ZNF875: variants seen among roughly 807,000 people sequenced by gnomAD.
ZNF875 encodes the protein zinc finger protein 875.
Under a neutral mutation model 11.2 loss-of-function variants are expected in ZNF875, and 14 were observed. The observed-to-expected ratio is 1.26, with a 90% confidence interval of 0.83 to 1.96. The LOEUF is 1.96. Among genes scored for constraint, ZNF875 ranks in the 30% most tolerant of loss-of-function variants. The pLI is 0.00. For synonymous variants in ZNF875, 301 were observed against 281.1 expected (o/e 1.07, Z -0.71); for missense variants, 752 against 760.4 (o/e 0.99, Z 0.13).
At chr19:37,318,911 A>G (rs1009833503) in intron 1 of ZNF875, among the ~76,000 whole-genome samples, 1 of 152,096 alleles carries the variant, frequency 6.6e-6, no homozygotes, top group African/African-American at 2.4e-5. Flanking sequence ...CCTGGTTTTG[A>G]TATCTTAGTA....
At chr19:37,329,015 A>ATGCT (rs2032969284) in intron 4 of ZNF875, 1 of 152,184 alleles carries the variant, frequency 6.6e-6, no homozygotes, top group Non-Finnish European at 1.5e-5. Context: ...AATACTGAAG[A>ATGCT]AGAAACTCTA....
At chr19:37,352,691 A>G (rs1600152277) in intron 4 of ZNF875, among the ~76,000 whole-genome samples, 2 of 152,046 alleles carry the variant, frequency 1.3e-5, no homozygotes, top group South Asian at 4.1e-4. Flanking sequence ...CCAGTTTGCC[A>G]ATCTCTACGT....
Position 37,363,873 on chromosome 19 carries a change from C to A in ZNF875, c.*98C>A. 1.0e-6 allele frequency: 1 copy of A among 971,446 alleles called. No individual in the cohort carries two copies. The highest frequency in any genetic ancestry group is 1.5e-5 in the South Asian group (1 of 65,058). 60.2% of individuals were successfully genotyped at this position (971,446 alleles called of 1,614,324 possible). A position where few individuals can be genotyped will look rare whatever the true frequency, so the allele number is the denominator to read the frequency against. On this transcript the variant is annotated 3_prime_UTR_variant, in exon 5 of 5. Coordinates refer to ENST00000392153, the MANE Select transcript of ZNF875 (RefSeq NM_001353803.2). ...CACACAGTGCTGTGGCTTTTTCAGC[C>A]ATTGCTAGATACCAAAGTGGAGACA...
intron 4 of ZNF875, among the ~76,000 whole-genome samples, chr19:37,355,907 G>A (rs918338693): frequency 1.3e-5 from 2 of 152,156 alleles, no homozygotes; most frequent in Admixed American, 1.3e-4. Context: ...TACCTGATAG[G>A]TAGTTTTTCA....
At chr19:37,332,392 T>C (rs553061139), upstream of ZNF875, among the ~76,000 whole-genome samples, 8 of 152,262 alleles carry the variant, frequency 5.3e-5, no homozygotes, top group African/African-American at 1.9e-4. Flanking sequence ...AATTTTTGTA[T>C]TTTTAATAGA....
At chr19:37,348,543 G>A (rs934620271) in intron 4 of ZNF875, among the ~76,000 whole-genome samples, 9 of 152,104 alleles carry the variant, frequency 5.9e-5, no homozygotes, top group African/African-American at 2.2e-4. Context: ...ATCATATTAT[G>A]TATGTATTTT....
upstream of ZNF875, among the ~76,000 whole-genome samples, chr19:37,331,981 G>A (rs1362151488): frequency 8.0e-6 from 1 of 125,710 alleles, no homozygotes; most frequent in Non-Finnish European, 1.8e-5. Flanking sequence ...GGGAAAAACC[G>A]CCTTAGGGCT....
upstream of ZNF875, chr19:37,315,122 G>A (rs1382399448): frequency 6.6e-6 from 1 of 152,006 alleles, no homozygotes; most frequent in East Asian, 1.9e-4. Flanking sequence ...TTATTTAAAT[G>A]GAATTACACA....
upstream of ZNF875, among the ~76,000 whole-genome samples, chr19:37,332,372 A>T (rs1568573681): frequency 6.6e-6 from 1 of 152,094 alleles, no homozygotes; most frequent in Non-Finnish European, 1.5e-5. Flanking sequence ...CCACCCCTAC[A>T]CGCCCAGCTA....
chr19:37,322,320 G>A (rs1219594999), intron 2 of ZNF875: 1 of 152,030 alleles, frequency 6.6e-6, no homozygotes, highest in African/African-American at 2.4e-5. Context: ...ATTTTCTTTG[G>A]ATATTCTCAT....
chr19:37,341,753 G>C (rs2035769641), intron 2 of ZNF875, among the ~76,000 whole-genome samples: 1 of 152,152 alleles, frequency 6.6e-6, no homozygotes, highest in Non-Finnish European at 1.5e-5. Flanking sequence ...TATCTTATGT[G>C]TAACAGTCTG....
chr19:37,333,433 C>A (rs913826577), upstream of ZNF875, among the ~76,000 whole-genome samples: 5 of 152,198 alleles, frequency 3.3e-5, no homozygotes, highest in Non-Finnish European at 7.3e-5. Context: ...GATCCTCCTT[C>A]CTAAACACCC....
At chr19:37,314,951 G>A (rs2030121703), upstream of ZNF875, 1 of 152,064 alleles carries the variant, frequency 6.6e-6, no homozygotes, top group South Asian at 2.1e-4. Context: ...ACGGTTTTCA[G>A]TATATTTGCA....
At chr19:37,350,799 CTTT>C (rs61142979) in intron 4 of ZNF875, among the ~76,000 whole-genome samples, 2 of 91,264 alleles carry the variant, frequency 2.2e-5, no homozygotes, top group African/African-American at 4.4e-5. Context: ...ATTCTTTTTG[CTTT>C]TTTTTTTTTT....
At chr19:37,338,400 G>A (rs913637706) in intron 2 of ZNF875, among the ~76,000 whole-genome samples, 2 of 152,202 alleles carry the variant, frequency 1.3e-5, no homozygotes, top group African/African-American at 4.8e-5. Flanking sequence ...TGGGATTACA[G>A]GTGTGAGCCA....
chr19:37,343,575 T>A (rs983931128), intron 2 of ZNF875, among the ~76,000 whole-genome samples: 1 of 152,128 alleles, frequency 6.6e-6, no homozygotes, highest in Non-Finnish European at 1.5e-5. Context: ...GATGCTTCAA[T>A]TCCTGGTTCT....
intron 4 of ZNF875, among the ~76,000 whole-genome samples, chr19:37,351,652 T>C (rs541219048): frequency 6.6e-6 from 1 of 152,322 alleles, no homozygotes; most frequent in South Asian, 2.1e-4. Flanking sequence ...TATTTTCTAA[T>C]TTTCTTATTT....
At chr19:37,325,534 T>C (rs2032278471) in intron 4 of ZNF875, among the ~76,000 whole-genome samples, 1 of 151,486 alleles carries the variant, frequency 6.6e-6, no homozygotes, top group African/African-American at 2.4e-5. Flanking sequence ...ATAAAAATTA[T>C]TAATGAAATC....
intron 4 of ZNF875, among the ~76,000 whole-genome samples, chr19:37,350,706 A>G (rs948816764): frequency 1.3e-4 from 20 of 151,810 alleles, no homozygotes; most frequent in Admixed American, 3.3e-4. Flanking sequence ...GAACTCTTCT[A>G]TCACTACAAA....
Sources: allele counts gnomAD v4.1 joint callset (sites outside exome capture counted in the v4.1 genomes callset), GRCh38; gene constraint gnomAD v4.1.1; transcripts MANE v1.5; gene names NCBI Gene and HGNC (gene_info 2026-07-23, HGNC 2026-07-21).